The following SLC12A2 variants were observed in gnomAD, a reference collection of about 807,000 sequenced individuals.
SLC12A2 encodes the protein solute carrier family 12 member 2, also known as Na-K-2Cl cotransporter 1.
A neutral mutation model predicts 136.3 loss-of-function variants in SLC12A2; 67 were observed. The ratio of observed to expected loss-of-function variants is 0.49; its 90% CI spans 0.40 to 0.60. The LOEUF is 0.60. Among genes scored for constraint, SLC12A2 ranks in the 20% least tolerant of loss-of-function variants. The pLI, the probability that SLC12A2 is intolerant of heterozygous loss-of-function variation, is 0.00. For synonymous variants in SLC12A2, 619 were observed against 562.9 expected, an observed-to-expected ratio of 1.10 and a Z score of -1.41; for missense variants, 1,322 against 1,534.7, an observed-to-expected ratio of 0.86 and a Z score of 2.32.
At chr5:128,095,554 T>G (rs1260207100) in intron 1 of SLC12A2, among the ~76,000 whole-genome samples, 3 of 152,194 alleles carry the variant, frequency 2.0e-5, no homozygotes, top group Non-Finnish European at 4.4e-5. Context: ...GCAAAGTATG[T>G]TTTATTCAAC....
intron 4 of SLC12A2, among the ~76,000 whole-genome samples, chr5:128,126,042 G>T (rs1163545838): frequency 6.6e-6 from 1 of 152,118 alleles, no homozygotes; most frequent in African/African-American, 2.4e-5. Flanking sequence ...GTACTATCTT[G>T]TATTGATTGC....
At chr5:128,185,820 A>C (rs1763848666) in intron 26 of SLC12A2, among the ~76,000 whole-genome samples, 1 of 152,194 alleles carries the variant, frequency 6.6e-6, no homozygotes, top group Non-Finnish European at 1.5e-5. Flanking sequence ...TTATAGAAAT[A>C]CTTACTGTTC....
intron 1 of SLC12A2, among the ~76,000 whole-genome samples, chr5:128,102,331 T>A (rs1760766449): frequency 6.6e-6 from 1 of 152,036 alleles, no homozygotes; most frequent in Non-Finnish European, 1.5e-5. Flanking sequence ...CCCTAGAAAT[T>A]CTCTGTGCAC....
At chr5:128,111,125 T>C (rs1364028719) in intron 1 of SLC12A2, 3 of 433,488 alleles carry the variant, frequency 6.9e-6, no homozygotes, top group Non-Finnish European at 1.3e-5. Context: ...AGATAACGTT[T>C]CTACTTATGC....
intron 1 of SLC12A2, among the ~76,000 whole-genome samples, chr5:128,104,174 C>G (rs1214178423): frequency 6.6e-6 from 1 of 152,076 alleles, no homozygotes; most frequent in Non-Finnish European, 1.5e-5. Flanking sequence ...AAAGGAGATG[C>G]TATCTTGAGC....
intron 1 of SLC12A2, among the ~76,000 whole-genome samples, chr5:128,092,419 G>A (rs111454575): frequency 1.9e-3 from 287 of 152,268 alleles, no homozygotes; most frequent in African/African-American, 6.4e-3. Context: ...CTGGACTGAG[G>A]ACCCCAGTCC....
intron 1 of SLC12A2, among the ~76,000 whole-genome samples, chr5:128,105,345 G>A (rs1185351080): frequency 6.6e-6 from 1 of 152,148 alleles, no homozygotes; most frequent in Admixed American, 6.5e-5. Flanking sequence ...CAAGGGAGGG[G>A]GGTATAGGAC....
intron 1 of SLC12A2, chr5:128,110,910 A>C: frequency 9.8e-7 from 1 of 1,016,144 alleles, no homozygotes; most frequent in Non-Finnish European, 1.6e-6. Flanking sequence ...CGCAAATCTG[A>C]GAGGGCATGA....
intron 1 of SLC12A2, among the ~76,000 whole-genome samples, chr5:128,102,586 C>A (rs879111047): frequency 0.13 from 16,574 of 128,870 alleles, 1,900 homozygotes; most frequent in East Asian, 0.26. Flanking sequence ...TAATTCACCC[C>A]CCCCCCCGCC....
intron 21 of SLC12A2, among the ~76,000 whole-genome samples, chr5:128,178,072 A>G (rs1255339900): frequency 6.6e-6 from 1 of 152,158 alleles, no homozygotes; most frequent in Non-Finnish European, 1.5e-5. Flanking sequence ...AATTGTAAGA[A>G]TGTGTTAGTA....
chr5:128,102,546 T>C (rs1051896717), intron 1 of SLC12A2, among the ~76,000 whole-genome samples: 1 of 151,264 alleles, frequency 6.6e-6, no homozygotes, highest in African/African-American at 2.4e-5. Flanking sequence ...ACTCTTAGTT[T>C]GTAACACTCA....
chr5:128,102,567 G>A (rs946252213), intron 1 of SLC12A2, among the ~76,000 whole-genome samples: 6 of 81,384 alleles, frequency 7.4e-5, no homozygotes, highest in African/African-American at 2.7e-4. Flanking sequence ...TTTATACTGT[G>A]TCTTTCTGTA....
chr5:128,116,176 A>C (rs1365711207), intron 4 of SLC12A2, among the ~76,000 whole-genome samples: 3 of 152,230 alleles, frequency 2.0e-5, no homozygotes, highest in Admixed American at 2.0e-4. Flanking sequence ...ATCATCAAAG[A>C]ATTTCTCCTT....
chr5:128,153,423 C>T (rs1762769892), intron 15 of SLC12A2, among the ~76,000 whole-genome samples: 1 of 152,088 alleles, frequency 6.6e-6, no homozygotes, highest in Non-Finnish European at 1.5e-5. Context: ...GGCGTAGTGG[C>T]GCATGCCTGT....
chr5:128,165,546 A>G (rs1048971797), intron 17 of SLC12A2, among the ~76,000 whole-genome samples: 5 of 152,174 alleles, frequency 3.3e-5, no homozygotes, highest in African/African-American at 1.2e-4. Context: ...CAGAGAAAAC[A>G]TATTTTCAGT....
intron 10 of SLC12A2, among the ~76,000 whole-genome samples, chr5:128,142,496 C>T (rs1762403136): frequency 6.6e-6 from 1 of 151,840 alleles, no homozygotes; most frequent in African/African-American, 2.4e-5. Flanking sequence ...GAGCAAAGAG[C>T]CCCTAGGAGG....
chr5:128,099,214 G>C (rs1760656096), intron 1 of SLC12A2, among the ~76,000 whole-genome samples: 1 of 152,128 alleles, frequency 6.6e-6, no homozygotes, highest in African/African-American at 2.4e-5. Context: ...ACACACCTAG[G>C]CTATATGGTG....
chr5:128,101,294 A>G (rs1760732359), intron 1 of SLC12A2, among the ~76,000 whole-genome samples: 1 of 152,168 alleles, frequency 6.6e-6, no homozygotes, highest in South Asian at 2.1e-4. Flanking sequence ...TTTGGGGTCA[A>G]AATTTGCATA....
chr5:128,158,742 T>G (rs1050450543), intron 16 of SLC12A2, among the ~76,000 whole-genome samples: 6 of 152,202 alleles, frequency 3.9e-5, no homozygotes, highest in Non-Finnish European at 5.9e-5. Context: ...CTGAGTCGAA[T>G]GATAGTTCTG....
Sources: gnomAD v4.1 joint callset for allele counts (sites outside exome capture counted in the v4.1 genomes callset) on GRCh38, gnomAD v4.1.1 for gene constraint, MANE v1.5 for transcripts, NCBI Gene and HGNC (gene_info 2026-07-23, HGNC 2026-07-21) for gene names.